The following RUBCNL variants were observed in gnomAD, a reference collection of about 807,000 sequenced individuals.
RUBCNL encodes protein associated with UVRAG as autophagy enhancer.
Under a neutral mutation model 69.5 loss-of-function variants are expected in RUBCNL, and 62 were observed. The observed-to-expected ratio is 0.89, with a 90% CI of 0.73 to 1.10. The LOEUF is 1.10. Among genes scored for constraint, RUBCNL ranks in the 50% least tolerant of loss-of-function variants. RUBCNL has a pLI of 0.00. For synonymous variants in RUBCNL, 291 were observed against 303.6 expected, an observed-to-expected ratio of 0.96 and a Z score of 0.43; for missense variants, 768 against 798.1, an observed-to-expected ratio of 0.96 and a Z score of 0.45.
intron 1 of RUBCNL, among the ~76,000 whole-genome samples, chr13:46,380,973 T>G (rs1188210487): frequency 6.6e-6 from 1 of 152,166 alleles, no homozygotes; most frequent in Non-Finnish European, 1.5e-5. Flanking sequence ...AAAGTAAAGG[T>G]AGGCAGCTGC....
upstream of RUBCNL, chr13:46,387,350 C>A: frequency 1.0e-6 from 1 of 985,530 alleles, no homozygotes. Flanking sequence ...AGAAGCTCCT[C>A]AGGGAAGCAA....
chr13:46,381,164 G>A (rs369244796), intron 1 of RUBCNL, among the ~76,000 whole-genome samples: 12 of 152,114 alleles, frequency 7.9e-5, no homozygotes, highest in East Asian at 5.8e-4. Flanking sequence ...ACTTGTGCCC[G>A]AATATTTCTA....
Position 46,340,370 on chromosome 13 carries a change from G to A in RUBCNL, c.*3015C>T, listed in dbSNP as rs145055332. Reference sequence around the variant, plus strand: ...CTTACCCAGAGATACAGAAAATAAGGGGTATGACTCAGTTTGTAATCTGTC... The same window carrying A: ...CTTACCCAGAGATACAGAAAATAAGAGGTATGACTCAGTTTGTAATCTGTC... On this transcript the variant is annotated 3_prime_UTR_variant, in exon 15 of 15. Transcript: ENST00000429979. Among the ~76,000 whole-genome samples, 14 of 152,256 alleles carry A rather than the reference G, an allele frequency of 9.2e-5. No individual in the cohort carries two copies. The East Asian group carries it at 2.7e-3, about 29-fold the overall frequency.
chr13:46,382,379 G>C (rs2049137131), intron 1 of RUBCNL, among the ~76,000 whole-genome samples: 1 of 151,664 alleles, frequency 6.6e-6, no homozygotes, highest in Non-Finnish European at 1.5e-5. Context: ...AATAGGTAAG[G>C]AGAAGAAAGA....
intron 5 of RUBCNL, among the ~76,000 whole-genome samples, chr13:46,366,987 G>T (rs2048771165): frequency 6.6e-6 from 1 of 152,188 alleles, no homozygotes; most frequent in Non-Finnish European, 1.5e-5. Flanking sequence ...GATAATAGCT[G>T]AGAAGGAATA....
intron 2 of RUBCNL, chr13:46,374,690 C>T (rs2048950904): frequency 6.6e-6 from 1 of 152,192 alleles, no homozygotes; most frequent in Admixed American, 6.5e-5. Flanking sequence ...AAAGGCTTCC[C>T]ATCAAATCTG....
At chr13:46,362,424 A>G (rs753739129) in intron 7 of RUBCNL, 114 bp downstream of exon 7, 4 of 556,738 alleles carry the variant, frequency 7.2e-6, no homozygotes, top group Non-Finnish European at 1.3e-5. Flanking sequence ...ATTCATGGGA[A>G]CAAATCACTG....
At chr13:46,358,945 C>T (rs1309149086) in intron 9 of RUBCNL, among the ~76,000 whole-genome samples, 1 of 151,976 alleles carries the variant, frequency 6.6e-6, no homozygotes, top group Admixed American at 6.6e-5. Context: ...ATTTTTATTT[C>T]ACACTGATTG....
chr13:46,376,861 A>G (rs2049005737), intron 2 of RUBCNL, among the ~76,000 whole-genome samples: 1 of 152,174 alleles, frequency 6.6e-6, no homozygotes, highest in African/African-American at 2.4e-5. Context: ...TTCACTCAAC[A>G]TTATGTCTTG....
In RUBCNL at chr13:46,340,336, A is replaced by G. The variant is rs139448166; in HGVS notation, c.*3049T>C. Among the ~76,000 whole-genome samples the G allele has an allele frequency of 9.6e-4, 146 of 152,342 alleles. 4 individuals are homozygous for G. In the East Asian group the frequency reaches 0.026, roughly 27 times the overall value. On this transcript the variant is annotated 3_prime_UTR_variant, in exon 15 of 15. Transcript: ENST00000429979. Reference sequence around the variant, plus strand: ...TATTACAGATTATAAACTGAGACCCAGGGAGTAACTTACCCAGAGATACAG... The same window carrying G: ...TATTACAGATTATAAACTGAGACCCGGGGAGTAACTTACCCAGAGATACAG...
Position 46,334,913 on chromosome 13 carries a change from C to A in RUBCNL, c.*8472G>T, listed in dbSNP as rs2138647693. On this transcript the variant is annotated 3_prime_UTR_variant, in exon 15 of 15. Transcript: ENST00000429979. ...GGCTCTAAATTCTGGATCACTTAGA[C>A]TCACTGTACCCCAAAGGAAAGTGGG... is the stretch of plus-strand genomic sequence containing the variant. Among the ~76,000 whole-genome samples, 1 of 152,072 alleles carries A rather than the reference C, an allele frequency of 6.6e-6. No homozygotes were observed. The highest frequency in any genetic ancestry group is 1.9e-4 in the East Asian group (1 of 5,192).
intron 1 of RUBCNL, among the ~76,000 whole-genome samples, chr13:46,386,042 A>G (rs755528526): frequency 1.3e-5 from 2 of 152,200 alleles, no homozygotes; most frequent in Non-Finnish European, 2.9e-5. Flanking sequence ...ACTGCCATAA[A>G]GATGCTGTCT....
At chr13:46,358,743 G>C (rs1461676544) in intron 9 of RUBCNL, among the ~76,000 whole-genome samples, 7 of 151,920 alleles carry the variant, frequency 4.6e-5, no homozygotes, top group Admixed American at 2.6e-4. Context: ...TTAGTAGAGA[G>C]AGGGTTTCAC....
chr13:46,350,388 T>A (rs1215432212), intron 10 of RUBCNL, 37 bp from the exon 11 acceptor site: 55 of 1,451,556 alleles, frequency 3.8e-5, no homozygotes, highest in Non-Finnish European at 4.6e-5. Flanking sequence ...CCACACCTGG[T>A]GCTGAAAACC....
chr13:46,354,348 A>G (rs1398329047), intron 10 of RUBCNL, among the ~76,000 whole-genome samples: 1 of 152,212 alleles, frequency 6.6e-6, no homozygotes, highest in Non-Finnish European at 1.5e-5. Context: ...GTAAGATGTT[A>G]GCAGTAGAGG....
intron 5 of RUBCNL, among the ~76,000 whole-genome samples, chr13:46,367,779 C>A (rs115989652): frequency 5.6e-4 from 85 of 152,264 alleles, no homozygotes; most frequent in Non-Finnish European, 2.9e-5. Flanking sequence ...AACTCCCACA[C>A]GTCTTGCCAT....
In RUBCNL at chr13:46,342,517, A is replaced by T. The variant is rs1290786167; in HGVS notation, c.*868T>A. 1 of 152,264 alleles carries T rather than the reference A, an allele frequency of 6.6e-6. No homozygotes were observed. The highest frequency in any genetic ancestry group is 1.5e-5 in the Non-Finnish European group (1 of 68,044). The allele number at this position is 152,264 out of a possible 1,614,324, so 9.4% of individuals were successfully genotyped here. ...GAAATTCATAAAGGTTTTGTGATTC[A>T]TTTAACCTTATTAGTCAATGTCTAT... On this transcript the variant is annotated 3_prime_UTR_variant, in exon 15 of 15. Transcript: ENST00000429979.
At chr13:46,370,802 G>A (rs749988766) in intron 3 of RUBCNL, among the ~76,000 whole-genome samples, 43 of 151,836 alleles carry the variant, frequency 2.8e-4, no homozygotes, top group Non-Finnish European at 5.4e-4. Context: ...CTGTTGGGGA[G>A]AGGGCTTTCC....
chr13:46,338,635 G>T lies in RUBCNL; in HGVS notation c.*4750C>A, dbSNP rs2138652152. Among the ~76,000 whole-genome samples, 1 of 152,222 alleles carries T rather than the reference G, an allele frequency of 6.6e-6. No individual in the cohort carries two copies. The highest frequency in any genetic ancestry group is 2.1e-4 in the South Asian group (1 of 4,828). On this transcript the variant is annotated 3_prime_UTR_variant, in exon 15 of 15. Coordinates refer to ENST00000429979, the MANE Select transcript of RUBCNL (RefSeq NM_025113.5). ...CAGGGCCTCTTTCCAGGATGAAAGG[G>T]CAGTCCTGATCCCAGGCAAGGGATG...
Sources: gnomAD v4.1 joint callset for allele counts (sites outside exome capture counted in the v4.1 genomes callset) on GRCh38, gnomAD v4.1.1 for gene constraint, MANE v1.5 for transcripts, NCBI Gene and HGNC (gene_info 2026-07-23, HGNC 2026-07-21) for gene names.